The following APP variants were observed in gnomAD, a reference collection of about 807,000 sequenced individuals.
The protein encoded by APP is amyloid-beta precursor protein.
APP carries 31 observed loss-of-function variants against 101.4 expected under a neutral mutation model. The observed-to-expected ratio is 0.31, with a 90% CI of 0.23 to 0.41. The LOEUF is 0.41. Ranked by LOEUF, APP falls within the 10% of genes least tolerant of loss-of-function variation. APP has a pLI of 1.00. For synonymous variants in APP, 366 were observed against 364.4 expected (o/e 1.00, Z -0.05); for missense variants, 839 against 1,003.7 (o/e 0.84, Z 2.22).
At chr21:26,015,406 T>A (rs1316182336) in intron 6 of APP, among the ~76,000 whole-genome samples, 1 of 152,196 alleles carries the variant, frequency 6.6e-6, no homozygotes, top group Non-Finnish European at 1.5e-5. Flanking sequence ...TAATCCCTAT[T>A]TTACAAAAAG....
chr21:26,062,212 A>C (rs1478201356), intron 3 of APP, among the ~76,000 whole-genome samples: 1 of 134,612 alleles, frequency 7.4e-6, no homozygotes, highest in African/African-American at 3.0e-5. Context: ...TCTGTCTCAA[A>C]AAACAAACAA....
At position 26,053,105 on chromosome 21, in the gene APP, T is replaced by C. The variant is rs555792427; in HGVS notation, c.468+131A>G. 1.9e-5 allele frequency: 15 copies of C among 781,352 alleles called. No individual in the cohort carries two copies. The Admixed American group carries it at 2.4e-4, about 12-fold the overall frequency. The allele number at this position is 781,352 out of a possible 1,614,324, so 48.4% of individuals were successfully genotyped here. A position where few individuals can be genotyped will look rare whatever the true frequency, so the allele number is the denominator to read the frequency against. ...TAAAAACTAAAATCTGGGTTACGGA[T>C]AGTAGCACTGGGTTTTTTTCTTAAA... is the stretch of plus-strand genomic sequence containing the variant. On this transcript the variant is annotated intron_variant, in intron 4 of 17. Transcript: ENST00000346798.
chr21:25,984,841 T>C (rs2042578055), intron 8 of APP, among the ~76,000 whole-genome samples: 1 of 152,368 alleles, frequency 6.6e-6, no homozygotes, highest in East Asian at 1.9e-4. Context: ...CCATATTTTA[T>C]GTTTGAAACA....
intron 13 of APP, among the ~76,000 whole-genome samples, chr21:25,915,912 GAA>G (rs1270843453): frequency 6.6e-6 from 1 of 151,966 alleles, no homozygotes; most frequent in East Asian, 1.9e-4. Flanking sequence ...AAATGTAAGT[GAA>G]AAAGTGACAG....
At chr21:26,141,580 A>G (rs367652535) in intron 1 of APP, among the ~76,000 whole-genome samples, 11 of 152,356 alleles carry the variant, frequency 7.2e-5, no homozygotes, top group Admixed American at 7.2e-4. Context: ...GGGTATGAAC[A>G]TGAACAGAGC....
At chr21:26,024,462 A>C (rs1041064718) in intron 5 of APP, among the ~76,000 whole-genome samples, 2 of 152,216 alleles carry the variant, frequency 1.3e-5, no homozygotes, top group Non-Finnish European at 2.9e-5. Flanking sequence ...AGAGCACAGC[A>C]TTATGTAGGA....
At chr21:26,081,308 A>G (rs894876899) in intron 3 of APP, among the ~76,000 whole-genome samples, 2 of 147,712 alleles carry the variant, frequency 1.4e-5, no homozygotes, top group African/African-American at 4.9e-5. Context: ...GAGTCCGAAA[A>G]AGAGTCAGGA....
intron 5 of APP, among the ~76,000 whole-genome samples, chr21:26,046,015 G>A (rs1487761050): frequency 6.6e-6 from 1 of 151,936 alleles, no homozygotes; most frequent in East Asian, 1.9e-4. Context: ...ACTTGTGCAG[G>A]GGAACCCCTC....
chr21:25,900,290 T>C (rs1043777559), intron 15 of APP, among the ~76,000 whole-genome samples: 1 of 148,116 alleles, frequency 6.8e-6, no homozygotes, highest in Non-Finnish European at 1.5e-5. Flanking sequence ...CCCAGCACTT[T>C]GGGAGGCCAA....
chr21:25,886,127 C>G (rs2037307963), intron 17 of APP, among the ~76,000 whole-genome samples: 1 of 150,838 alleles, frequency 6.6e-6, no homozygotes, highest in African/African-American at 2.4e-5. Context: ...CTAAGGCGAA[C>G]AATACAACAA....
At chr21:25,931,097 A>T (rs1244644054) in intron 13 of APP, among the ~76,000 whole-genome samples, 1 of 152,216 alleles carries the variant, frequency 6.6e-6, no homozygotes, top group Non-Finnish European at 1.5e-5. Flanking sequence ...AAATAACTTC[A>T]TCAATTTCTT....
intron 3 of APP, among the ~76,000 whole-genome samples, chr21:26,064,559 G>T (rs558511363): frequency 6.6e-6 from 1 of 152,012 alleles, no homozygotes; most frequent in South Asian, 2.1e-4. Context: ...GTCTCATAGG[G>T]TTTTACTGGG....
chr21:25,965,508 G>A (rs974435988), intron 11 of APP, among the ~76,000 whole-genome samples: 2 of 152,028 alleles, frequency 1.3e-5, no homozygotes, highest in Non-Finnish European at 1.5e-5. Flanking sequence ...CCATACCTAG[G>A]CAGTGTTATG....
At position 26,112,078 on chromosome 21, in the gene APP, G is replaced by A. The variant is rs745974049; in HGVS notation, c.126C>T (p.Asn42=). 3.7e-6 allele frequency: 6 copies of A among 1,613,992 alleles called. No individual in the cohort carries two copies. The highest frequency in any genetic ancestry group is 2.2e-5 in the South Asian group (2 of 91,084). ...PQIAMFCGRL[N]MHMNVQNGKW... is the part of the protein sequence containing the mutation. ...TCCCATTCTGGACATTCATGTGCATGTTCAGTCTGCCACAGAACATGGCAA... is the reference window on the plus strand; with the variant it reads ...TCCCATTCTGGACATTCATGTGCATATTCAGTCTGCCACAGAACATGGCAA... The change falls in exon 2 of 18, where the codon AAC becomes AAT. Residue 42 remains asparagine, a synonymous_variant. Transcript: ENST00000346798.
At chr21:25,897,730 A>C (rs2038173633) in intron 15 of APP, 57 bp from the exon 16 acceptor site, 1 of 1,428,002 alleles carries the variant, frequency 7.0e-7, no homozygotes, top group Non-Finnish European at 9.9e-7. Flanking sequence ...ACTCATAAAT[A>C]ATAACACTGT....
At chr21:26,009,966 GAAAA>G (rs2043717179) in intron 6 of APP, 1 of 157,802 alleles carries the variant, frequency 6.3e-6, no homozygotes, top group Non-Finnish European at 1.4e-5. Context: ...AAAAAAAAAA[GAAAA>G]AAAGAATGCC....
At chr21:26,004,659 CTTT>C (rs564980703) in intron 6 of APP, among the ~76,000 whole-genome samples, 308 of 151,912 alleles carry the variant, frequency 2.0e-3, no homozygotes, top group African/African-American at 6.9e-3. Context: ...AATTTTTTTT[CTTT>C]TTTATTATAC....
chr21:26,045,511 CTA>C (rs2045570657), intron 5 of APP, among the ~76,000 whole-genome samples: 1 of 152,154 alleles, frequency 6.6e-6, no homozygotes, highest in Non-Finnish European at 1.5e-5. Flanking sequence ...AAAATATTTA[CTA>C]TGTTAACTCT....
Position 26,090,014 on chromosome 21 carries a change from T to C in APP, c.284A>G (p.Gln95Arg). The change falls in exon 3 of 18, where the codon CAG becomes CGG. Residue 95 changes from glutamine (Q) to arginine (R), a missense_variant. Physicochemically the swap from Gln to Arg is conservative, Grantham distance 43 (BLOSUM62 1). Transcript: ENST00000346798. The part of the protein sequence containing the change: ...VVEANQPVTI[Q>R]NWCKRGRKQC... The stretch of plus-strand genomic sequence containing the variant: ...CTTGCGGCCCCGCTTGCACCAGTTC[T>C]GGATGGTCACTGGTTGGTTGGCTTC... 1 of 1,614,234 alleles carries C rather than the reference T, an allele frequency of 6.2e-7. No homozygotes were observed. The highest frequency in any genetic ancestry group is 8.5e-7 in the Non-Finnish European group (1 of 1,180,036).
Sources: allele counts gnomAD v4.1 joint callset (sites outside exome capture counted in the v4.1 genomes callset), GRCh38; gene constraint gnomAD v4.1.1; transcripts MANE v1.5; gene names NCBI Gene and HGNC (gene_info 2026-07-23, HGNC 2026-07-21).